The following UGT1A5 variants were observed in gnomAD, a reference collection of about 807,000 sequenced individuals.
UGT1A5 encodes the protein UDP-glucuronosyltransferase 1A5.
Under a neutral mutation model 40.3 loss-of-function variants are expected in UGT1A5, and 29 were observed. That is an observed-to-expected ratio of 0.72 (90% CI 0.54 to 0.98). UGT1A5 has a LOEUF of 0.98. Ranked by LOEUF, UGT1A5 falls within the 50% of genes least tolerant of loss-of-function variation. UGT1A5 has a pLI of 0.00. For synonymous variants in UGT1A5, 257 were observed against 262.5 expected (o/e 0.98, Z 0.20); for missense variants, 678 against 677.9 (o/e 1.00, Z 0.00).
At chr2:233,760,529 T>C (rs1169787218) in intron 1 of UGT1A5, 1 of 1,614,248 alleles carries the variant, frequency 6.2e-7, no homozygotes, top group Middle Eastern at 1.6e-4. Flanking sequence ...ACGTACCCTG[T>C]GCCATTCCAA....
chr2:233,739,520 T>C (rs1227951212), intron 1 of UGT1A5, among the ~76,000 whole-genome samples: 1 of 152,250 alleles, frequency 6.6e-6, no homozygotes, highest in Non-Finnish European at 1.5e-5. Flanking sequence ...AGACATGAAG[T>C]CAAGGGAGAT....
intron 1 of UGT1A5, chr2:233,743,982 C>G (rs6735370): frequency 4.6e-6 from 6 of 1,297,000 alleles, no homozygotes; most frequent in East Asian, 9.6e-5. Flanking sequence ...AGCACCCAGG[C>G]GCAGGCCCGA....
Position 233,760,881 on chromosome 2 carries a change from C to T in UGT1A5, c.868-6153C>T, listed in dbSNP as rs199675631. ...TCTCCTACGTGCCCAGGCCTCTCTC[C>T]TCTCATTCAGATCACATGACCTTCC... On this transcript the variant is annotated intron_variant, in intron 1 of 4. Transcript: ENST00000373414. The T allele has an allele frequency of 3.1e-6, 5 of 1,614,198 alleles. No homozygotes were observed. The South Asian group carries it at 4.4e-5, about 14-fold the overall frequency.
At chr2:233,759,502 A>G (rs1487597943) in intron 1 of UGT1A5, among the ~76,000 whole-genome samples, 1 of 152,052 alleles carries the variant, frequency 6.6e-6, no homozygotes, top group Non-Finnish European at 1.5e-5. Flanking sequence ...GGTTCACACT[A>G]ATAAAGGCCT....
At chr2:233,726,564 T>TA (rs1292410166) in intron 1 of UGT1A5, among the ~76,000 whole-genome samples, 1 of 152,188 alleles carries the variant, frequency 6.6e-6, no homozygotes, top group Non-Finnish European at 1.5e-5. Flanking sequence ...CTCCCACTCT[T>TA]ACGCCTGTCT....
intron 1 of UGT1A5, among the ~76,000 whole-genome samples, chr2:233,761,681 C>T (rs1697835350): frequency 6.6e-6 from 1 of 152,246 alleles, no homozygotes; most frequent in Non-Finnish European, 1.5e-5. Flanking sequence ...CAGGTTCTGA[C>T]ATGATACAGA....
intron 1 of UGT1A5, among the ~76,000 whole-genome samples, chr2:233,758,868 C>T (rs1697003822): frequency 1.3e-5 from 2 of 152,158 alleles, no homozygotes; most frequent in South Asian, 4.1e-4. Context: ...ACAATACTTG[C>T]CCCATAGTCC....
Position 233,743,652 on chromosome 2 carries a change from A to ACTCGAAGGGGTC in UGT1A5, c.868-23372_868-23361dup, listed in dbSNP as rs1188916157. On this transcript the variant is annotated intron_variant, in intron 1 of 4. Transcript: ENST00000373414. The stretch of plus-strand genomic sequence containing the variant: ...GCTGGGTCGCGGAAGCTGAAGACGT[A>ACTCGAAGGGGTC]CTCGAAGGGGTCCTCGAAGGGCCTG... 5.9e-6 allele frequency: 8 copies of ACTCGAAGGGGTC among 1,367,190 alleles called. No homozygotes were observed. The South Asian group carries it at 9.1e-5, about 16-fold the overall frequency. The allele number at this position is 1,367,190 out of a possible 1,614,324, so 84.7% of individuals were successfully genotyped here. A position where few individuals can be genotyped will look rare whatever the true frequency, so the allele number is the denominator to read the frequency against.
Position 233,769,688 on chromosome 2 carries a change from C to A in UGT1A5, c.1307+1249C>A, listed in dbSNP as rs1385163206. 2.6e-6 allele frequency: 4 copies of A among 1,552,874 alleles called. No homozygotes were observed. The African/African-American group carries it at 5.4e-5, about 21-fold the overall frequency. Reference sequence around the variant, plus strand: ...AGGTGCTAATGTGTGTGTGGTGGCACTGGATAAAAGATCAATGTTGGCTAG... The same window carrying A: ...AGGTGCTAATGTGTGTGTGGTGGCAATGGATAAAAGATCAATGTTGGCTAG... On this transcript the variant is annotated intron_variant, in intron 4 of 4. Coordinates refer to ENST00000373414, the MANE Select transcript of UGT1A5 (RefSeq NM_019078.2). This position sits in a 1 kb window ranked among gnomAD's most constrained non-coding sequence, Gnocchi z 4.4.
chr2:233,765,939 C>T (rs570894932), intron 1 of UGT1A5, among the ~76,000 whole-genome samples: 8 of 152,214 alleles, frequency 5.3e-5, no homozygotes, highest in African/African-American at 1.7e-4. Flanking sequence ...GGTTGTGGGG[C>T]TCTGACCTCA....
At chr2:233,771,399 T>G (rs972051776) in intron 4 of UGT1A5, 1 of 152,180 alleles carries the variant, frequency 6.6e-6, no homozygotes, top group East Asian at 1.9e-4. Flanking sequence ...GATTGGGCAA[T>G]GAACACTGTC....
At chr2:233,744,115 T>G (rs556316328) in intron 1 of UGT1A5, 2 of 367,954 alleles carry the variant, frequency 5.4e-6, no homozygotes, top group East Asian at 1.5e-4. Flanking sequence ...CCCTGCTCTC[T>G]GTGAGGCTCT....
At chr2:233,757,444 G>A (rs1344287126) in intron 1 of UGT1A5, among the ~76,000 whole-genome samples, 1 of 150,698 alleles carries the variant, frequency 6.6e-6, no homozygotes, top group Non-Finnish European at 1.5e-5. Context: ...CTTCTATACA[G>A]AAACATGTCC....
At chr2:233,737,806 C>T (rs575024235) in intron 1 of UGT1A5, among the ~76,000 whole-genome samples, 1 of 152,098 alleles carries the variant, frequency 6.6e-6, no homozygotes, top group Non-Finnish European at 1.5e-5. Context: ...TCACTATCAT[C>T]TCAGTGGAGC....
rs370892808 is a variant in UGT1A5, at chr2:233,760,466, T to C, written c.868-6568T>C. The stretch of plus-strand genomic sequence containing the variant: ...CAGAGGGGACATGAAATAGTTGTCC[T>C]AGCACCTGACGCCTCGTTGTACATC... On this transcript the variant is annotated intron_variant, in intron 1 of 4. Transcript: ENST00000373414. The C allele has an allele frequency of 1.9e-6, 3 of 1,614,232 alleles. No homozygotes were observed. The highest frequency in any genetic ancestry group is 1.7e-6 in the Non-Finnish European group (2 of 1,180,032).
intron 1 of UGT1A5, among the ~76,000 whole-genome samples, chr2:233,736,806 A>C (rs1345730820): frequency 6.6e-6 from 1 of 152,210 alleles, no homozygotes; most frequent in African/African-American, 2.4e-5. Context: ...AGTTTGCTGG[A>C]GGTCCACTCC....
intron 1 of UGT1A5, among the ~76,000 whole-genome samples, chr2:233,725,079 C>G (rs370992455): frequency 6.2e-5 from 9 of 144,294 alleles, no homozygotes; most frequent in East Asian, 2.1e-4. Flanking sequence ...CGCAGGCACT[C>G]GGCAGGCTGA....
chr2:233,751,523 AT>A (rs1694748821), intron 1 of UGT1A5, among the ~76,000 whole-genome samples: 1 of 152,210 alleles, frequency 6.6e-6, no homozygotes, highest in Admixed American at 6.5e-5. Context: ...GCAGAATGAT[AT>A]GGTTTGACTC....
intron 1 of UGT1A5, chr2:233,761,042 C>G: frequency 6.2e-7 from 1 of 1,614,180 alleles, no homozygotes; most frequent in Non-Finnish European, 8.5e-7. Flanking sequence ...AGCTCTGCAT[C>G]TGTCTGGCTG....
Sources: allele counts gnomAD v4.1 joint callset (sites outside exome capture counted in the v4.1 genomes callset), GRCh38; gene constraint gnomAD v4.1.1; non-coding constraint Gnocchi (gnomAD v3.1); transcripts MANE v1.5; gene names NCBI Gene and HGNC (gene_info 2026-07-23, HGNC 2026-07-21).